The following RHOBTB3 variants were observed in gnomAD, a reference collection of about 807,000 sequenced individuals.
The protein encoded by RHOBTB3 is rho-related BTB domain-containing protein 3.
RHOBTB3 carries 47 observed loss-of-function variants against 67.2 expected under a neutral mutation model. The ratio of observed to expected loss-of-function variants is 0.70; its 90% CI spans 0.55 to 0.89. The LOEUF is 0.89. RHOBTB3 is among the 40% of genes least tolerant of loss of function. The pLI is 0.00. For missense variants in RHOBTB3, 631 were observed against 750.0 expected, an observed-to-expected ratio of 0.84 and a Z score of 1.85; for synonymous variants, 273 against 274.2, an observed-to-expected ratio of 1.00 and a Z score of 0.04.
chr5:95,783,791 C>A lies in RHOBTB3; in HGVS notation c.1457-6C>A. On this transcript the variant is annotated splice_region_variant and splice_polypyrimidine_tract_variant and intron_variant, in intron 9 of 11. Coordinates refer to ENST00000379982, the MANE Select transcript of RHOBTB3 (RefSeq NM_014899.4). ...CCACTTTCTCTCATGTCCCTTTTCT[C>A]ATCAGCTGGCATATTCCAGGCCATG... 6.2e-7 allele frequency: 1 copy of A among 1,602,924 alleles called. No homozygotes were observed. The highest frequency in any genetic ancestry group is 1.1e-5 in the South Asian group (1 of 89,700).
At chr5:95,732,253 A>G (rs1328635192) in intron 2 of RHOBTB3, 169 bp downstream of exon 2, 4 of 665,032 alleles carry the variant, frequency 6.0e-6, no homozygotes, top group Non-Finnish European at 8.0e-6. Context: ...CTGGGCAGGG[A>G]ACAGCCCTGT....
At chr5:95,731,289 C>T, upstream of RHOBTB3, 1 of 1,028,888 alleles carries the variant, frequency 9.7e-7, no homozygotes, top group Non-Finnish European at 1.2e-6. Flanking sequence ...CCCCGATCTC[C>T]CCGACCCCCC....
intron 7 of RHOBTB3, among the ~76,000 whole-genome samples, chr5:95,767,321 G>A (rs1433849826): frequency 1.3e-5 from 2 of 148,178 alleles, no homozygotes; most frequent in Non-Finnish European, 3.0e-5. Flanking sequence ...GGTGTGATAA[G>A]GGAAAGTTGT....
Position 95,793,421 on chromosome 5 carries a change from C to A in RHOBTB3, c.*247C>A. ...GCAAAGCTGTTTTGCAGCTGTTTTC[C>A]CTTAAAGATGTCCTGTTGCTTTAGT... On this transcript the variant is annotated 3_prime_UTR_variant, in exon 12 of 12. Coordinates refer to ENST00000379982, the MANE Select transcript of RHOBTB3 (RefSeq NM_014899.4). 6.3e-6 allele frequency: 2 copies of A among 315,724 alleles called. No individual in the cohort carries two copies. The highest frequency in any genetic ancestry group is 5.7e-6 in the Non-Finnish European group (1 of 174,270). The allele number at this position is 315,724 out of a possible 1,614,324, so 19.6% of individuals were successfully genotyped here. A position where few individuals can be genotyped will look rare whatever the true frequency, so the allele number is the denominator to read the frequency against.
chr5:95,783,329 C>T (rs1056748090), intron 9 of RHOBTB3, among the ~76,000 whole-genome samples: 10 of 150,852 alleles, frequency 6.6e-5, no homozygotes, highest in Non-Finnish European at 1.0e-4. Context: ...TCACCATGTC[C>T]GCCAGGATGG....
chr5:95,748,300 C>T (rs201610106), intron 3 of RHOBTB3, 33 bp from the exon 4 acceptor site: 155 of 1,537,460 alleles, frequency 1.0e-4, no homozygotes, highest in Non-Finnish European at 1.3e-4. Flanking sequence ...TGTTTAATTT[C>T]GAAACTCTTT....
chr5:95,768,248 T>G, intron 8 of RHOBTB3, 82 bp downstream of exon 8: 1 of 1,386,570 alleles, frequency 7.2e-7, no homozygotes, highest in Non-Finnish European at 1.0e-6. Context: ...GGTTTGAATG[T>G]TTGGTGTGAA....
chr5:95,718,605 G>A (rs2112741623), intron 1 of RHOBTB3, among the ~76,000 whole-genome samples: 1 of 152,294 alleles, frequency 6.6e-6, no homozygotes, highest in South Asian at 2.1e-4. Flanking sequence ...CTCAATTGAA[G>A]TTGGAGGCCA....
At chr5:95,732,542 G>A in intron 2 of RHOBTB3, 1 of 204,278 alleles carries the variant, frequency 4.9e-6, no homozygotes, top group Admixed American at 5.7e-5. Flanking sequence ...TAGTTCCTCT[G>A]GAAAGCGGAG....
intron 8 of RHOBTB3, among the ~76,000 whole-genome samples, chr5:95,775,578 G>T (rs1200132614): frequency 6.6e-6 from 1 of 152,006 alleles, no homozygotes; most frequent in African/African-American, 2.4e-5. Context: ...TGCCAGGCAT[G>T]AAGGTTTGCT....
intron 2 of RHOBTB3, among the ~76,000 whole-genome samples, chr5:95,733,102 T>A (rs1755343815): frequency 6.6e-6 from 1 of 152,236 alleles, no homozygotes; most frequent in Non-Finnish European, 1.5e-5. Flanking sequence ...GAAAAATTTC[T>A]TATGCAAAGT....
At chr5:95,792,892 C>A in intron 11 of RHOBTB3, 167 bp from the exon 12 acceptor site, 2 of 509,192 alleles carry the variant, frequency 3.9e-6, no homozygotes, top group Non-Finnish European at 7.0e-6. Context: ...AATCCTGATA[C>A]TAATTTAACC....
At chr5:95,790,106 A>G (rs1746336261) in intron 11 of RHOBTB3, among the ~76,000 whole-genome samples, 1 of 152,240 alleles carries the variant, frequency 6.6e-6, no homozygotes, top group Non-Finnish European at 1.5e-5. Flanking sequence ...CAAACATTAT[A>G]TGTCTATTAG....
chr5:95,724,288 T>C (rs1209001561), intron 1 of RHOBTB3, among the ~76,000 whole-genome samples: 1 of 152,232 alleles, frequency 6.6e-6, no homozygotes, highest in Non-Finnish European at 1.5e-5. Context: ...AAGGTTTTTG[T>C]TGATATTTGA....
chr5:95,755,651 C>T lies in RHOBTB3; in HGVS notation c.938C>T (p.Ala313Val), dbSNP rs1745222129. 6.2e-7 allele frequency: 1 copy of T among 1,614,210 alleles called. No individual in the cohort carries two copies. The highest frequency in any genetic ancestry group is 1.1e-5 in the South Asian group (1 of 91,078). ...CTTTTTGCTATAAACAGAGATACTG[C>T]ATTTCCAGGTGCTAGCCATGAATCT... ...QDLFAINRDT[A>V]FPGASHESSG... Residue 313 changes from alanine (A) to valine (V), a missense_variant, in exon 6 of 12, where the codon GCA (alanine) becomes GTA (valine). Transcript: ENST00000379982.
In RHOBTB3 at chr5:95,740,829, G is replaced by A. The variant is rs150327750; in HGVS notation, c.415+3754G>A. Among the ~76,000 whole-genome samples, 444 of 152,208 alleles carry A rather than the reference G, an allele frequency of 2.9e-3. 4 individuals are homozygous for A. Among genetic ancestry groups the A allele is most frequent in the African/African-American group, 0.01 (425 of 41,520 alleles). ...AACCTAAGAAAGTTGACAAGAATAA[G>A]ACATTGAACCCTAGATTTTATAAAC... On this transcript the variant is annotated intron_variant, in intron 3 of 11. Transcript: ENST00000379982.
At chr5:95,751,700 C>T (rs1745095528) in intron 4 of RHOBTB3, among the ~76,000 whole-genome samples, 1 of 152,106 alleles carries the variant, frequency 6.6e-6, no homozygotes. Flanking sequence ...CCACCACCCT[C>T]TCAAGTAGGC....
rs376848558 is a variant in RHOBTB3 at position 95,769,615 on chromosome 5, G to A, written c.1282+1449G>A. The A allele has an allele frequency of 2.1e-4, 35 of 167,404 alleles. No homozygotes were observed. The East Asian group carries it at 3.6e-3, about 17-fold the overall frequency. 10.4% of individuals were successfully genotyped at this position (167,404 alleles called of 1,614,324 possible). ...ACGGTGGAAAAACACTGAATGGTGC[G>A]TTAGAATCACCAGATCTAATTTTTG... On this transcript the variant is annotated intron_variant, in intron 8 of 11. Coordinates refer to ENST00000379982, the MANE Select transcript of RHOBTB3 (RefSeq NM_014899.4).
At chr5:95,777,533 A>T (rs1261231709) in intron 8 of RHOBTB3, among the ~76,000 whole-genome samples, 1 of 152,234 alleles carries the variant, frequency 6.6e-6, no homozygotes, top group African/African-American at 2.4e-5. Flanking sequence ...ATTATCTTTT[A>T]ACTAGAAAAT....
Sources: allele counts gnomAD v4.1 joint callset (sites outside exome capture counted in the v4.1 genomes callset), GRCh38; gene constraint gnomAD v4.1.1; transcripts MANE v1.5; gene names NCBI Gene and HGNC (gene_info 2026-07-23, HGNC 2026-07-21).